The following SHC3 variants were observed in gnomAD, a reference collection of about 807,000 sequenced individuals.
SHC3 encodes the protein SHC-transforming protein 3.
SHC3 carries 15 observed loss-of-function variants against 60.4 expected under a neutral mutation model. That is an observed-to-expected ratio of 0.25 (90% CI 0.17 to 0.38). SHC3 has a LOEUF of 0.38. SHC3 is among the 10% of genes least tolerant of loss of function. The probability of loss-of-function intolerance (pLI) is 1.00; values close to 1 mark genes in which losing one functional copy is unlikely to be tolerated. For missense variants in SHC3, 677 were observed against 786.1 expected, an observed-to-expected ratio of 0.86 and a Z score of 1.66; for synonymous variants, 294 against 325.9, an observed-to-expected ratio of 0.90 and a Z score of 1.05.
At chr9:89,121,480 G>A (rs1263230251) in intron 1 of SHC3, among the ~76,000 whole-genome samples, 1 of 152,088 alleles carries the variant, frequency 6.6e-6, no homozygotes, top group Admixed American at 6.6e-5. Flanking sequence ...AGTAGAGATG[G>A]GGTTTCTCCA....
intron 6 of SHC3, among the ~76,000 whole-genome samples, chr9:89,062,343 C>G (rs1436077537): frequency 1.3e-5 from 2 of 152,156 alleles, no homozygotes; most frequent in Non-Finnish European, 2.9e-5. Flanking sequence ...ATTTATCAAC[C>G]TTGTGAGACA....
At chr9:89,073,963 T>C (rs1005208845) in intron 4 of SHC3, among the ~76,000 whole-genome samples, 1 of 152,228 alleles carries the variant, frequency 6.6e-6, no homozygotes, top group Non-Finnish European at 1.5e-5. Context: ...CCAGAGCTAG[T>C]GAACTAGTCC....
chr9:89,124,453 G>T (rs981045438), intron 1 of SHC3, among the ~76,000 whole-genome samples: 13 of 152,138 alleles, frequency 8.5e-5, no homozygotes, highest in Admixed American at 7.9e-4. Flanking sequence ...GCCCATCAAT[G>T]ATACACTGGA....
chr9:89,111,831 A>G (rs764675434), intron 2 of SHC3, among the ~76,000 whole-genome samples: 3 of 152,242 alleles, frequency 2.0e-5, no homozygotes, highest in Non-Finnish European at 4.4e-5. Flanking sequence ...AAGCTACTGC[A>G]TAAGTACCAA....
At chr9:89,031,809 T>C (rs1255200797) in intron 11 of SHC3, among the ~76,000 whole-genome samples, 1 of 152,220 alleles carries the variant, frequency 6.6e-6, no homozygotes, top group Non-Finnish European at 1.5e-5. Context: ...TTTTCAGTCT[T>C]ACATTGATAA....
At chr9:89,169,113 G>A (rs535449814) in intron 1 of SHC3, among the ~76,000 whole-genome samples, 4 of 152,218 alleles carry the variant, frequency 2.6e-5, no homozygotes, top group African/African-American at 9.6e-5. Context: ...GCAACTCTTG[G>A]TTCTGTTTCT....
At chr9:89,108,540 TACAC>T (rs141450227) in intron 2 of SHC3, among the ~76,000 whole-genome samples, 13 of 148,142 alleles carry the variant, frequency 8.8e-5, no homozygotes, top group South Asian at 2.1e-4. Flanking sequence ...TGCATATACA[TACAC>T]ACACACACAC....
In SHC3 at chr9:89,021,629, C is replaced by T. The variant is rs78003337; in HGVS notation, c.1657-8054G>A. Among the ~76,000 whole-genome samples the T allele has an allele frequency of 5.1e-3, 776 of 152,330 alleles. 4 individuals carry two copies. Among genetic ancestry groups the T allele is most frequent in the African/African-American group, 0.018 (749 of 41,584 alleles). On this transcript the variant is annotated intron_variant, in intron 11 of 11. Transcript: ENST00000375835. Reference sequence around the variant, plus strand: ...AACCCTGCCTGGATGCCAGGGCTCACCTGCCTTGGGCCATCCCAGGTGAGG... The same window carrying T: ...AACCCTGCCTGGATGCCAGGGCTCATCTGCCTTGGGCCATCCCAGGTGAGG...
intron 11 of SHC3, among the ~76,000 whole-genome samples, chr9:89,024,589 T>A (rs1826257265): frequency 6.6e-6 from 1 of 152,264 alleles, no homozygotes; most frequent in Non-Finnish European, 1.5e-5. Flanking sequence ...AAGATGGCTA[T>A]CGCGAGTCCT....
intron 3 of SHC3, among the ~76,000 whole-genome samples, chr9:89,075,820 T>A (rs565367443): frequency 3.2e-4 from 49 of 152,280 alleles, no homozygotes; most frequent in Non-Finnish European, 3.7e-4. Flanking sequence ...TAGATAGACA[T>A]GGCCTGGCTG....
At chr9:89,170,889 T>G (rs1239397827) in intron 1 of SHC3, among the ~76,000 whole-genome samples, 1 of 152,220 alleles carries the variant, frequency 6.6e-6, no homozygotes, top group Non-Finnish European at 1.5e-5. Flanking sequence ...TTGCAAATAC[T>G]GCACCAGTTT....
chr9:89,078,042 A>G (rs751107255), intron 2 of SHC3, 139 bp from the exon 3 acceptor site: 10 of 927,218 alleles, frequency 1.1e-5, no homozygotes, highest in Non-Finnish European at 1.7e-5. Flanking sequence ...TTTGGGAGTC[A>G]TCCGATTCTT....
At chr9:89,078,026 T>C in intron 2 of SHC3, 123 bp from the exon 3 acceptor site, 2 of 1,154,990 alleles carry the variant, frequency 1.7e-6, no homozygotes, top group Non-Finnish European at 2.5e-6. Flanking sequence ...AAAACAGAGC[T>C]GCCAATTTGG....
At chr9:89,022,801 T>G (rs748304199) in intron 11 of SHC3, among the ~76,000 whole-genome samples, 1 of 152,162 alleles carries the variant, frequency 6.6e-6, no homozygotes, top group Non-Finnish European at 1.5e-5. Context: ...TTTAAGTGCA[T>G]CTTATTTATT....
Position 89,038,014 on chromosome 9 carries a change from C to T in SHC3, c.1635G>A (p.Leu545=). Residue 545 remains leucine, a synonymous_variant, in exon 11 of 12, where the codon CTG becomes CTA. Transcript: ENST00000375835. Reference sequence around the variant, plus strand: ...TCACCGTGCCTTCTGGGTCCACGAGCAGCAGGTGCTTGGCCTGGCCATTGT... The same window carrying T: ...TCACCGTGCCTTCTGGGTCCACGAGTAGCAGGTGCTTGGCCTGGCCATTGT... ...GMHNGQAKHL[L]LVDPEGTIRT... 6.2e-7 allele frequency: 1 copy of T among 1,610,780 alleles called. No individual in the cohort carries two copies. Among genetic ancestry groups the T allele is most frequent in the African/African-American group, 1.3e-5 (1 of 75,062 alleles).
At chr9:89,171,226 A>G (rs934396186) in intron 1 of SHC3, among the ~76,000 whole-genome samples, 3 of 112,586 alleles carry the variant, frequency 2.7e-5, no homozygotes, top group Non-Finnish European at 3.6e-5. Flanking sequence ...AGCTAGAACC[A>G]TATTTTGATT....
chr9:89,154,018 G>T (rs1015665269), intron 1 of SHC3, among the ~76,000 whole-genome samples: 4 of 152,112 alleles, frequency 2.6e-5, no homozygotes, highest in Non-Finnish European at 5.9e-5. Flanking sequence ...AGGTGCAGGT[G>T]CACCTCCATA....
chr9:89,040,233 ACC>A (rs1824664207), intron 10 of SHC3, among the ~76,000 whole-genome samples: 1 of 147,856 alleles, frequency 6.8e-6, no homozygotes, highest in Non-Finnish European at 1.5e-5. Context: ...CACCACCATC[ACC>A]ACCACCACCA....
chr9:89,047,959 G>T (rs1163639008), intron 7 of SHC3, among the ~76,000 whole-genome samples: 1 of 152,142 alleles, frequency 6.6e-6, no homozygotes, highest in African/African-American at 2.4e-5. Flanking sequence ...AGAGCTAAAA[G>T]GTAGGGCCGG....
Sources: gnomAD v4.1 joint callset for allele counts (sites outside exome capture counted in the v4.1 genomes callset) on GRCh38, gnomAD v4.1.1 for gene constraint, MANE v1.5 for transcripts, NCBI Gene and HGNC (gene_info 2026-07-23, HGNC 2026-07-21) for gene names.